The following NRG1 variants were observed in gnomAD, a reference collection of about 807,000 sequenced individuals.
NRG1 encodes pro-neuregulin-1, membrane-bound isoform.
A neutral mutation model predicts 63.8 loss-of-function variants in NRG1; 18 were observed. That is an observed-to-expected ratio of 0.28 (90% CI 0.19 to 0.42). The LOEUF (loss-of-function observed/expected upper bound fraction) is 0.42, where lower values mean the gene tolerates loss of function less well. Among genes scored for constraint, NRG1 ranks in the 10% least tolerant of loss-of-function variants. The pLI is 1.00. For synonymous variants in NRG1, 302 were observed against 301.3 expected (o/e 1.00, Z -0.02); for missense variants, 762 against 814.7 (o/e 0.94, Z 0.79).
rs934111765 is a variant in NRG1 at position 32,716,802 on chromosome 8, A to ATG, written c.503-11136_503-11135dup. ...ATGATGTGTGTGCGTGCGTGTGTGCATGTGTGTGTGTGCATGTGCGTGTGT... is the reference window on the plus strand; with the variant it reads ...ATGATGTGTGTGCGTGCGTGTGTGCATGTGTGTGTGTGTGCATGTGCGTGTGT... On this transcript the variant is annotated intron_variant, in intron 5 of 11. Transcript: ENST00000356819. Among the ~76,000 whole-genome samples the ATG allele has an allele frequency of 4.0e-5, 5 of 124,620 alleles. No individual in the cohort carries two copies. In the East Asian group the frequency reaches 8.7e-4, roughly 22 times the overall value. 81.8% of individuals were successfully genotyped at this position (124,620 alleles called of 152,430 possible).
chr8:31,854,836 A>C (rs1827672251), intron 1 of NRG1, among the ~76,000 whole-genome samples: 1 of 152,090 alleles, frequency 6.6e-6, no homozygotes, highest in Admixed American at 6.6e-5. Flanking sequence ...GGTTTCAAAG[A>C]ACATCTTTAT....
At chr8:32,720,007 G>T (rs961157477) in intron 5 of NRG1, among the ~76,000 whole-genome samples, 3 of 151,938 alleles carry the variant, frequency 2.0e-5, no homozygotes, top group Non-Finnish European at 2.9e-5. Context: ...TTGTTGATGT[G>T]CCATGATGTT....
chr8:32,038,088 A>G (rs1194406097), intron 1 of NRG1, among the ~76,000 whole-genome samples: 1 of 152,198 alleles, frequency 6.6e-6, no homozygotes, highest in Non-Finnish European at 1.5e-5. Context: ...AGCCGCTGTG[A>G]GCCTGCACAG....
intron 1 of NRG1, among the ~76,000 whole-genome samples, chr8:32,375,113 GC>G (rs1809448100): frequency 2.0e-5 from 3 of 152,016 alleles, no homozygotes; most frequent in Non-Finnish European, 4.4e-5. Context: ...CTCCTGAGTA[GC>G]TGGGACTACA....
intron 1 of NRG1, among the ~76,000 whole-genome samples, chr8:32,075,753 A>C (rs1488673919): frequency 7.2e-6 from 1 of 138,320 alleles, no homozygotes; most frequent in African/African-American, 2.7e-5. Context: ...GCTCACTGCA[A>C]CCTCCACCTC....
chr8:32,129,089 T>C (rs907275372), intron 1 of NRG1, among the ~76,000 whole-genome samples: 1 of 151,944 alleles, frequency 6.6e-6, no homozygotes, highest in African/African-American at 2.4e-5. Flanking sequence ...TATCCTATTG[T>C]TTTTCCTCCA....
At chr8:32,143,514 T>C (rs2131752457) in intron 1 of NRG1, among the ~76,000 whole-genome samples, 1 of 152,296 alleles carries the variant, frequency 6.6e-6, no homozygotes, top group East Asian at 1.9e-4. Flanking sequence ...AAGCTGAACA[T>C]GTATCCAGCT....
intron 1 of NRG1, among the ~76,000 whole-genome samples, chr8:32,195,964 A>G (rs1842909419): frequency 6.6e-6 from 1 of 152,122 alleles, no homozygotes. Flanking sequence ...GTTGATGCAA[A>G]AGTAATTGTG....
chr8:32,077,184 T>C (rs929751150), intron 1 of NRG1, among the ~76,000 whole-genome samples: 1 of 152,262 alleles, frequency 6.6e-6, no homozygotes, highest in Non-Finnish European at 1.5e-5. Flanking sequence ...CTGGCCAACA[T>C]GGTGAAACCC....
chr8:31,865,067 C>T (rs1195503287), intron 1 of NRG1, among the ~76,000 whole-genome samples: 1 of 152,074 alleles, frequency 6.6e-6, no homozygotes, highest in African/African-American at 2.4e-5. Flanking sequence ...ACGAACGCTC[C>T]TTTCCTGGGG....
At chr8:31,692,452 C>CA (rs1397033786) in intron 1 of NRG1, among the ~76,000 whole-genome samples, 3 of 152,030 alleles carry the variant, frequency 2.0e-5, no homozygotes, top group Admixed American at 1.3e-4. Flanking sequence ...CTAGGTTAAA[C>CA]AGTTAAAACA....
At chr8:31,937,765 A>G (rs1336987167) in intron 1 of NRG1, among the ~76,000 whole-genome samples, 3 of 152,094 alleles carry the variant, frequency 2.0e-5, no homozygotes, top group African/African-American at 4.8e-5. Context: ...CTTCTCTGGT[A>G]TCCTGTATGA....
intron 1 of NRG1, among the ~76,000 whole-genome samples, chr8:31,646,467 A>G (rs1254544380): frequency 6.6e-6 from 1 of 152,240 alleles, no homozygotes; most frequent in Admixed American, 6.5e-5. Flanking sequence ...GACGAGGGAT[A>G]AGAAATGTGA....
chr8:31,995,747 T>C (rs1156667661), intron 1 of NRG1, among the ~76,000 whole-genome samples: 1 of 151,910 alleles, frequency 6.6e-6, no homozygotes, highest in African/African-American at 2.4e-5. Flanking sequence ...TTCTCAGCAG[T>C]GGAGTTGGAG....
intron 1 of NRG1, among the ~76,000 whole-genome samples, chr8:31,734,392 G>A (rs367727065): frequency 3.5e-4 from 53 of 152,090 alleles, no homozygotes; most frequent in African/African-American, 1.2e-3. Flanking sequence ...CCCTTTCCTC[G>A]GGCATCAGAG....
chr8:31,752,430 A>C (rs1228076489), intron 1 of NRG1, among the ~76,000 whole-genome samples: 1 of 152,030 alleles, frequency 6.6e-6, no homozygotes, highest in Non-Finnish European at 1.5e-5. Context: ...ACAGTGATAG[A>C]CAGTGAAGGA....
chr8:31,847,389 C>G (rs905560396), intron 1 of NRG1, among the ~76,000 whole-genome samples: 3 of 152,162 alleles, frequency 2.0e-5, no homozygotes, highest in Middle Eastern at 3.2e-3. Flanking sequence ...TAAATATTTA[C>G]TTTCAGGGTG....
At chr8:32,335,604 A>G (rs1201937292) in intron 1 of NRG1, among the ~76,000 whole-genome samples, 1 of 152,204 alleles carries the variant, frequency 6.6e-6, no homozygotes, top group Non-Finnish European at 1.5e-5. Context: ...ACTGGAAAAC[A>G]AGTAATAAAA....
intron 1 of NRG1, among the ~76,000 whole-genome samples, chr8:32,537,699 C>T (rs2129520041): frequency 6.6e-6 from 1 of 152,222 alleles, no homozygotes; most frequent in East Asian, 1.9e-4. Context: ...ATTTAATCTT[C>T]ACAATGGTGA....
Sources: gnomAD v4.1 joint callset for allele counts (sites outside exome capture counted in the v4.1 genomes callset) on GRCh38, gnomAD v4.1.1 for gene constraint, MANE v1.5 for transcripts, NCBI Gene and HGNC (gene_info 2026-07-23, HGNC 2026-07-21) for gene names.